MTIF2: variants seen among roughly 807,000 people sequenced by gnomAD.
MTIF2 encodes translation initiation factor IF-2, mitochondrial.
In MTIF2, 71 loss-of-function variants were observed where a neutral mutation model predicts 83.5. That is an observed-to-expected ratio of 0.85 (90% confidence interval 0.70 to 1.04). The LOEUF (loss-of-function observed/expected upper bound fraction) is 1.04. MTIF2 is among the 50% of genes least tolerant of loss of function. MTIF2 has a pLI of 0.00. For missense variants in MTIF2, 957 were observed against 846.5 expected, an observed-to-expected ratio of 1.13 and a Z score of -1.62; for synonymous variants, 319 against 287.1, an observed-to-expected ratio of 1.11 and a Z score of -1.12.
chr2:55,236,654 T>A lies in MTIF2; in HGVS notation c.2178A>T (p.Gly726=). ...QIQAKTSWDP[G]F is the part of the protein sequence containing the mutation. ...TTACATTTTTAATGTAATTTTAAAA[T>A]CCTGGATCCCAAGAAGTCTTGGCTT... The change falls in exon 16 of 16, where the codon GGA becomes GGT. Residue 726 remains glycine, a synonymous_variant. Transcript: ENST00000263629. The A allele has an allele frequency of 6.3e-7, 1 of 1,587,450 alleles. No homozygotes were observed. The highest frequency in any genetic ancestry group is 8.5e-7 in the Non-Finnish European group (1 of 1,172,038).
At position 55,262,542 on chromosome 2, in the gene MTIF2, T is replaced by C. The variant is rs111748046; in HGVS notation, c.220-115A>G. 54 of 106,004 alleles carry C rather than the reference T, an allele frequency of 5.1e-4. No individual in the cohort carries two copies. The African/African-American group carries it at 5.5e-3, about 11-fold the overall frequency. 6.6% of individuals were successfully genotyped at this position (106,004 alleles called of 1,614,324 possible). ...AGCTACATTTCTTTCTTTTTTTTTC[T>C]TTTTTTTTTTTTTTTTTTGAGACAG... On this transcript the variant is annotated intron_variant, in intron 4 of 15. Transcript: ENST00000263629.
chr2:55,245,842 G>A (rs1676657341), intron 10 of MTIF2, among the ~76,000 whole-genome samples: 1 of 152,210 alleles, frequency 6.6e-6, no homozygotes, highest in African/African-American at 2.4e-5. Context: ...TTCTATCCCA[G>A]TCTCCATCAG....
At chr2:55,243,386 A>ATTT (rs1676462968) in intron 12 of MTIF2, 30 bp downstream of exon 12, 1 of 1,544,410 alleles carries the variant, frequency 6.5e-7, no homozygotes, top group South Asian at 1.2e-5. Context: ...TCAAAGAATG[A>ATTT]ACTGTAATGT....
At chr2:55,251,568 A>T (rs767696993) in intron 8 of MTIF2, among the ~76,000 whole-genome samples, 3 of 152,168 alleles carry the variant, frequency 2.0e-5, no homozygotes, top group Non-Finnish European at 1.5e-5. Context: ...TATCGAGTAC[A>T]TTTTCTCAGT....
chr2:55,243,193 C>A, intron 12 of MTIF2, 113 bp from the exon 13 acceptor site: 1 of 1,192,838 alleles, frequency 8.4e-7, no homozygotes, highest in East Asian at 2.6e-5. Context: ...ATCACTAAAT[C>A]CACTTTTATT....
intron 10 of MTIF2, 55 bp downstream of exon 10, chr2:55,246,282 C>G: frequency 3.3e-6 from 5 of 1,519,978 alleles, no homozygotes; most frequent in Non-Finnish European, 4.4e-6. Flanking sequence ...GTCATATAAT[C>G]AAGTCACGAA....
At chr2:55,255,438 ATG>A (rs1431193962) in intron 5 of MTIF2, among the ~76,000 whole-genome samples, 6 of 143,188 alleles carry the variant, frequency 4.2e-5, no homozygotes, top group Non-Finnish European at 7.6e-5. Flanking sequence ...ATGATATATT[ATG>A]TATAATATAT....
chr2:55,246,770 T>A (rs2104349049), intron 9 of MTIF2, among the ~76,000 whole-genome samples: 1 of 152,298 alleles, frequency 6.6e-6, no homozygotes, highest in East Asian at 1.9e-4. Context: ...ACTATCCCTT[T>A]CATAAACACA....
chr2:55,242,564 T>C (rs557679291), intron 13 of MTIF2, among the ~76,000 whole-genome samples: 2 of 152,182 alleles, frequency 1.3e-5, no homozygotes, highest in Non-Finnish European at 2.9e-5. Context: ...AGGAAAGAAC[T>C]GAATAGGGTG....
At chr2:55,247,583 T>TAAAAC (rs767485495) in intron 9 of MTIF2, among the ~76,000 whole-genome samples, 9 of 152,138 alleles carry the variant, frequency 5.9e-5, no homozygotes, top group African/African-American at 1.7e-4. Flanking sequence ...TAGACAACTG[T>TAAAAC]AAAACAAAAC....
In MTIF2 at chr2:55,262,441, C is replaced by T; in HGVS notation, c.220-14G>A. 1 of 1,549,072 alleles carries T rather than the reference C, an allele frequency of 6.5e-7. No homozygotes were observed. Among genetic ancestry groups the T allele is most frequent in the Non-Finnish European group, 8.8e-7 (1 of 1,131,182 alleles). ...TGGTCCTTCTTCCTATTAAAAAAAT[C>T]AGAACATATAAACAAAAAGGAAGAA... On this transcript the variant is annotated splice_polypyrimidine_tract_variant and intron_variant, in intron 4 of 15. Coordinates refer to ENST00000263629, the MANE Select transcript of MTIF2 (RefSeq NM_002453.3).
chr2:55,265,552 G>T (rs1014546534), intron 3 of MTIF2, among the ~76,000 whole-genome samples: 4 of 151,834 alleles, frequency 2.6e-5, no homozygotes, highest in African/African-American at 9.7e-5. Flanking sequence ...CTTTTCAATG[G>T]AGAGTACATT....
chr2:55,267,991 G>T (rs995220641), intron 2 of MTIF2, among the ~76,000 whole-genome samples: 1 of 152,170 alleles, frequency 6.6e-6, no homozygotes. Flanking sequence ...GATGGCTCAT[G>T]CCTGTAATCC....
rs779411335 is a variant in MTIF2 at position 55,243,070 on chromosome 2, A to G, written c.1575T>C (p.Asp525=). 7 of 1,602,128 alleles carry G rather than the reference A, an allele frequency of 4.4e-6. No homozygotes were observed. In the Admixed American group the frequency reaches 1.1e-4, roughly 24 times the overall value. ...VLSVIIKGDV[D]GSVEAILNII... ...TGTTCAAAATGGCCTCAACAGAACC[A>G]TCAACATCACCTAAATACAGAAAAA... Residue 525 remains aspartate (D), a synonymous_variant, in exon 13 of 16, where the codon GAT becomes GAC. Transcript: ENST00000263629.
chr2:55,263,598 A>G (rs1372929717), intron 4 of MTIF2, 42 bp downstream of exon 4: 1 of 1,482,380 alleles, frequency 6.7e-7, no homozygotes, highest in Admixed American at 2.0e-5. Flanking sequence ...TGACAGGGTG[A>G]GACTCCATCT....
intron 10 of MTIF2, 74 bp from the exon 11 acceptor site, chr2:55,244,307 TTAAG>T: frequency 8.9e-7 from 1 of 1,129,104 alleles, no homozygotes; most frequent in Non-Finnish European, 1.3e-6. Context: ...TTTATGAAGT[TTAAG>T]TTATATAAAC....
At chr2:55,250,343 A>G (rs1677006950) in intron 8 of MTIF2, among the ~76,000 whole-genome samples, 1 of 151,992 alleles carries the variant, frequency 6.6e-6, no homozygotes, top group Non-Finnish European at 1.5e-5. Context: ...TCAAAGGTCA[A>G]CTGTATTTTG....
At position 55,252,486 on chromosome 2, in the gene MTIF2, C is replaced by G; in HGVS notation, c.832G>C (p.Asp278His). Residue 278 changes from aspartate to histidine, a missense_variant, in exon 8 of 16, where the codon GAT becomes CAT. Physicochemically the swap from Asp to His is moderately conservative, Grantham distance 81. Around this residue, in one of 3 missense-constraint regions of MTIF2, gnomAD observed 733 missense variants for 648.7 expected, o/e 1.13. Coordinates refer to ENST00000263629, the MANE Select transcript of MTIF2 (RefSeq NM_002453.3). ...GTCAGCCACACAGTACCCTGTGCATCTTTGGCATGCTGAATAGATTCTACA... is the reference window on the plus strand; with the variant it reads ...GTCAGCCACACAGTACCCTGTGCATGTTTGGCATGCTGAATAGATTCTACA... ...QTVESIQHAK[D>H]AQVPIILAVN... The G allele has an allele frequency of 6.2e-7, 1 of 1,614,044 alleles. No homozygotes were observed. Among genetic ancestry groups the G allele is most frequent in the Non-Finnish European group, 8.5e-7 (1 of 1,179,948 alleles).
Position 55,244,087 on chromosome 2 carries a change from A to C in MTIF2, c.1253T>G (p.Ile418Ser). 1 of 1,614,128 alleles carries C rather than the reference A, an allele frequency of 6.2e-7. No homozygotes were observed. The highest frequency in any genetic ancestry group is 8.5e-7 in the Non-Finnish European group (1 of 1,179,998). Residue 418 changes from isoleucine (I) to serine (S), a missense_variant, in exon 11 of 16, where the codon ATT becomes AGT. By Grantham distance (142) the Ile-to-Ser change is moderately radical (BLOSUM62 -2). Around this residue, in one of 3 missense-constraint regions of MTIF2, gnomAD observed 733 missense variants for 648.7 expected, o/e 1.13. Coordinates refer to ENST00000263629, the MANE Select transcript of MTIF2 (RefSeq NM_002453.3). ...DEAYPSMPVG[I>S]TGWRDLPSAG... is the part of the protein sequence containing the mutation. ...AGAAGGAAGGTCTCTCCAGCCTGTA[A>C]TTCCCACTGGCATGCTGGGATAGGC...
Sources: gnomAD v4.1 joint callset for allele counts (sites outside exome capture counted in the v4.1 genomes callset) on GRCh38, gnomAD v4.1.1 for gene constraint, gnomAD v4.1.1 regional missense constraint, MANE v1.5 for transcripts, NCBI Gene and HGNC (gene_info 2026-07-23, HGNC 2026-07-21) for gene names.